RBMS3: variants seen among roughly 807,000 people sequenced by gnomAD.
RBMS3 encodes the protein RNA binding motif single stranded interacting protein 3.
In RBMS3, 27 loss-of-function variants were observed where a neutral mutation model predicts 66.8. That is an observed-to-expected ratio of 0.40 (90% confidence interval 0.30 to 0.56). The LOEUF (loss-of-function observed/expected upper bound fraction) is 0.56. Among genes scored for constraint, RBMS3 ranks in the 20% least tolerant of loss-of-function variants. The pLI, the probability that RBMS3 is intolerant of heterozygous loss-of-function variation, is 0.40. For synonymous variants in RBMS3, 188 were observed against 183.0 expected (o/e 1.03, Z -0.22); for missense variants, 513 against 549.5 (o/e 0.93, Z 0.66).
intron 12 of RBMS3, among the ~76,000 whole-genome samples, chr3:29,959,590 G>A (rs1696275691): frequency 2.0e-5 from 3 of 152,088 alleles, no homozygotes; most frequent in Admixed American, 1.3e-4. Context: ...TTAAAACAGT[G>A]GGAGGTATAT....
rs551623270 is a variant in RBMS3, at chr3:29,588,652, G to A, written c.399+1447G>A. 1.4e-4 allele frequency among the ~76,000 whole-genome samples: 21 copies of A among 152,138 alleles called. 2 individuals are homozygous for A. In the South Asian group the frequency reaches 4.1e-3, roughly 30 times the overall value. On this transcript the variant is annotated intron_variant, in intron 4 of 14. Coordinates refer to ENST00000383767, the MANE Select transcript of RBMS3 (RefSeq NM_001003793.3). ...GGCAGAATAAATTTGAATTCTTTCA[G>A]CTGTGTAATGTATTCTTCATCAAGA...
chr3:29,936,475 TC>T (rs1029840419), intron 11 of RBMS3, among the ~76,000 whole-genome samples: 3 of 152,194 alleles, frequency 2.0e-5, no homozygotes, highest in African/African-American at 7.2e-5. Context: ...TGGAAAGGTG[TC>T]CTTTTTGTAT....
intron 13 of RBMS3, 96 bp from the exon 14 acceptor site, chr3:29,990,986 A>T: frequency 1.6e-6 from 2 of 1,231,352 alleles, no homozygotes; most frequent in South Asian, 1.4e-5. Context: ...GGGTATCTCT[A>T]CTTAAGCCAA....
chr3:29,405,273 C>T (rs978142186), intron 1 of RBMS3, among the ~76,000 whole-genome samples: 1 of 152,136 alleles, frequency 6.6e-6, no homozygotes, highest in Non-Finnish European at 1.5e-5. Flanking sequence ...TCCTGCATAT[C>T]GTTTAACCAT....
chr3:29,564,682 G>T (rs2046679526), intron 3 of RBMS3, among the ~76,000 whole-genome samples: 1 of 151,916 alleles, frequency 6.6e-6, no homozygotes, highest in East Asian at 1.9e-4. Context: ...CTGGAGTTTG[G>T]TTTTGTCTAC....
At chr3:29,932,544 C>T (rs759448505) in intron 10 of RBMS3, among the ~76,000 whole-genome samples, 7 of 152,154 alleles carry the variant, frequency 4.6e-5, no homozygotes, top group Non-Finnish European at 1.0e-4. Context: ...TGGGGTGGCA[C>T]TGACCTAGAA....
At chr3:29,959,602 A>C (rs1313445683) in intron 12 of RBMS3, among the ~76,000 whole-genome samples, 2 of 152,160 alleles carry the variant, frequency 1.3e-5, no homozygotes, top group Non-Finnish European at 2.9e-5. Flanking sequence ...GAGGTATATA[A>C]GTTCATTTTC....
At chr3:29,648,396 C>T (rs756089237) in intron 4 of RBMS3, among the ~76,000 whole-genome samples, 15 of 151,184 alleles carry the variant, frequency 9.9e-5, no homozygotes, top group Admixed American at 3.3e-4. Flanking sequence ...CTCAGACCCC[C>T]GGAGTAGCTG....
intron 6 of RBMS3, among the ~76,000 whole-genome samples, chr3:29,868,072 A>G (rs984539819): frequency 6.6e-6 from 1 of 151,518 alleles, no homozygotes; most frequent in African/African-American, 2.4e-5. Flanking sequence ...TCAGTTCTCA[A>G]AGAATAATTT....
At chr3:29,719,278 A>G (rs558939502) in intron 4 of RBMS3, among the ~76,000 whole-genome samples, 1 of 152,332 alleles carries the variant, frequency 6.6e-6, no homozygotes, top group East Asian at 1.9e-4. Context: ...TCCACAAGCT[A>G]AGACATTGGA....
At chr3:29,710,170 G>A (rs2053103278) in intron 4 of RBMS3, among the ~76,000 whole-genome samples, 1 of 152,136 alleles carries the variant, frequency 6.6e-6, no homozygotes, top group African/African-American at 2.4e-5. Flanking sequence ...TCTATTATTG[G>A]AAGTTTTTTT....
At chr3:30,002,029 C>A (rs1421921282) in intron 14 of RBMS3, among the ~76,000 whole-genome samples, 2 of 151,942 alleles carry the variant, frequency 1.3e-5, no homozygotes, top group Non-Finnish European at 1.5e-5. Flanking sequence ...CTTCAGCCAG[C>A]AAATATGAAG....
chr3:29,471,047 C>T (rs1056336724), intron 2 of RBMS3, among the ~76,000 whole-genome samples: 1 of 151,978 alleles, frequency 6.6e-6, no homozygotes, highest in African/African-American at 2.4e-5. Flanking sequence ...TTAAAAGTCA[C>T]GTGGACAGGT....
intron 4 of RBMS3, among the ~76,000 whole-genome samples, chr3:29,707,679 C>A (rs1397452521): frequency 6.6e-6 from 1 of 152,190 alleles, no homozygotes; most frequent in Non-Finnish European, 1.5e-5. Flanking sequence ...AGACACAATT[C>A]ATGTTTACAG....
At chr3:29,449,763 T>C (rs1302570406) in intron 2 of RBMS3, among the ~76,000 whole-genome samples, 3 of 152,234 alleles carry the variant, frequency 2.0e-5, no homozygotes, top group African/African-American at 7.2e-5. Flanking sequence ...AGTTAAATCG[T>C]ATCCCAACAT....
At chr3:29,843,149 T>C (rs1225740118) in intron 6 of RBMS3, among the ~76,000 whole-genome samples, 1 of 152,244 alleles carries the variant, frequency 6.6e-6, no homozygotes, top group Non-Finnish European at 1.5e-5. Flanking sequence ...AACCCTTGTG[T>C]CATAGTGGAT....
In RBMS3 at chr3:29,488,431, TC is replaced by T; in HGVS notation, c.249-9del. The T allele has an allele frequency of 1.9e-6, 3 of 1,598,222 alleles. No homozygotes were observed. The highest frequency in any genetic ancestry group is 2.6e-6 in the Non-Finnish European group (3 of 1,166,236). On this transcript the variant is annotated splice_polypyrimidine_tract_variant and intron_variant, in intron 2 of 14. Coordinates refer to ENST00000383767, the MANE Select transcript of RBMS3 (RefSeq NM_001003793.3). Reference sequence around the variant, plus strand: ...AATAACATGGGTTTTTTTCTCTCTCTCTCTTTCAGGTATGGAAAAATTGTAT... The same window carrying T: ...AATAACATGGGTTTTTTTCTCTCTCTTCTTTCAGGTATGGAAAAATTGTAT...
At chr3:29,560,946 C>A (rs563876907) in intron 3 of RBMS3, among the ~76,000 whole-genome samples, 1 of 152,156 alleles carries the variant, frequency 6.6e-6, no homozygotes, top group Non-Finnish European at 1.5e-5. Context: ...TGTGTCCATG[C>A]GTTCTCATCA....
At chr3:29,714,454 T>C (rs2053306635) in intron 4 of RBMS3, among the ~76,000 whole-genome samples, 1 of 151,942 alleles carries the variant, frequency 6.6e-6, no homozygotes, top group African/African-American at 2.4e-5. Context: ...CAAGTGGAAA[T>C]GTTGAATAGA....
Sources: gnomAD v4.1 joint callset for allele counts (sites outside exome capture counted in the v4.1 genomes callset) on GRCh38, gnomAD v4.1.1 for gene constraint, MANE v1.5 for transcripts, NCBI Gene and HGNC (gene_info 2026-07-23, HGNC 2026-07-21) for gene names.